Variants in BRINP1 observed in about 807,000 individuals in gnomAD.
BRINP1 encodes BMP/retinoic acid inducible neural specific 1.
BRINP1 carries 17 observed loss-of-function variants against 72.9 expected under a neutral mutation model. That is an observed-to-expected ratio of 0.23 (90% CI 0.16 to 0.35). The LOEUF is 0.35. BRINP1 is among the 10% of genes least tolerant of loss of function. BRINP1 has a pLI of 1.00. For missense variants in BRINP1, 850 were observed against 1,001.6 expected (o/e 0.85, Z 2.04); for synonymous variants, 418 against 378.5 (o/e 1.10, Z -1.21).
intron 7 of BRINP1, among the ~76,000 whole-genome samples, chr9:119,186,332 C>G (rs1469837917): frequency 6.6e-6 from 1 of 151,936 alleles, no homozygotes; most frequent in African/African-American, 2.4e-5. Flanking sequence ...AGGAGAGAAG[C>G]CACACCCAAG....
At chr9:119,360,063 G>T (rs149673474) in intron 1 of BRINP1, among the ~76,000 whole-genome samples, 1 of 152,096 alleles carries the variant, frequency 6.6e-6, no homozygotes, top group African/African-American at 2.4e-5. Flanking sequence ...CACTTGCAAG[G>T]CTTCACTGGA....
At chr9:119,267,867 G>C (rs1013954057) in intron 2 of BRINP1, among the ~76,000 whole-genome samples, 1 of 152,102 alleles carries the variant, frequency 6.6e-6, no homozygotes, top group African/African-American at 2.4e-5. Flanking sequence ...TCTAGAGACT[G>C]AAAAGAGAAG....
chr9:119,302,139 T>C (rs1028322243), intron 2 of BRINP1, among the ~76,000 whole-genome samples: 2 of 152,202 alleles, frequency 1.3e-5, no homozygotes, highest in Admixed American at 6.5e-5. Flanking sequence ...TTGATATTTA[T>C]TGGGCATCAC....
At chr9:119,263,172 C>T (rs1830514019) in intron 2 of BRINP1, among the ~76,000 whole-genome samples, 1 of 152,154 alleles carries the variant, frequency 6.6e-6, no homozygotes, top group African/African-American at 2.4e-5. Context: ...GGTCAGCCAC[C>T]CGCATCACAA....
chr9:119,240,749 T>A (rs571517590), intron 4 of BRINP1, among the ~76,000 whole-genome samples: 8 of 152,302 alleles, frequency 5.3e-5, no homozygotes, highest in African/African-American at 1.7e-4. Flanking sequence ...ACTCTCTCCC[T>A]CCCACACTTT....
At chr9:119,365,954 G>A (rs975264134) in intron 1 of BRINP1, among the ~76,000 whole-genome samples, 2 of 152,062 alleles carry the variant, frequency 1.3e-5, no homozygotes, top group Admixed American at 6.5e-5. Flanking sequence ...CCTGCACCCC[G>A]AAACAGGCAT....
intron 2 of BRINP1, among the ~76,000 whole-genome samples, chr9:119,283,597 C>T (rs1346796955): frequency 6.6e-6 from 1 of 152,176 alleles, no homozygotes; most frequent in Non-Finnish European, 1.5e-5. Context: ...GGCACGATCT[C>T]GGCTCACTGC....
intron 3 of BRINP1, among the ~76,000 whole-genome samples, chr9:119,245,194 T>TAC (rs34730284): frequency 0.01 from 1,309 of 126,018 alleles, 17 homozygotes; most frequent in African/African-American, 0.026. Context: ...CAAGCTCACA[T>TAC]ACACACACAC....
chr9:119,313,449 C>A, intron 1 of BRINP1, 44 bp from the exon 2 acceptor site: 54 of 1,455,600 alleles, frequency 3.7e-5, no homozygotes, highest in Middle Eastern at 2.6e-4. Context: ...AAAGAGAAAC[C>A]AAAAGAGAGA....
intron 7 of BRINP1, among the ~76,000 whole-genome samples, chr9:119,196,082 G>A (rs1316091165): frequency 6.6e-6 from 1 of 152,074 alleles, no homozygotes; most frequent in Non-Finnish European, 1.5e-5. Flanking sequence ...AAGTCCTATA[G>A]GATTCACTTA....
At chr9:119,242,979 CT>C (rs61706928) in intron 3 of BRINP1, among the ~76,000 whole-genome samples, 84,647 of 146,858 alleles carry the variant, frequency 0.58, 24,753 homozygotes, top group Middle Eastern at 0.74. Flanking sequence ...TTTCTTTTTT[CT>C]TTTTTTTTTT....
chr9:119,340,404 C>A (rs1831394493), intron 1 of BRINP1, among the ~76,000 whole-genome samples: 1 of 151,540 alleles, frequency 6.6e-6, no homozygotes, highest in South Asian at 2.1e-4. Flanking sequence ...CATATTCCAA[C>A]CTCTGAGGGA....
chr9:119,243,377 A>G (rs1449624751), intron 3 of BRINP1, among the ~76,000 whole-genome samples: 1 of 152,084 alleles, frequency 6.6e-6, no homozygotes, highest in Non-Finnish European at 1.5e-5. Flanking sequence ...TGCAAAGGAT[A>G]TGATCTCATT....
chr9:119,364,899 TG>T (rs1283052401), intron 1 of BRINP1, among the ~76,000 whole-genome samples: 4 of 152,236 alleles, frequency 2.6e-5, no homozygotes, highest in Non-Finnish European at 5.9e-5. Flanking sequence ...GTAACGGCAT[TG>T]CTTTAAATGA....
chr9:119,317,322 G>A (rs1831135150), intron 1 of BRINP1, among the ~76,000 whole-genome samples: 3 of 152,124 alleles, frequency 2.0e-5, no homozygotes, highest in African/African-American at 7.2e-5. Flanking sequence ...ATCATGAGGG[G>A]TTCAAGACTT....
chr9:119,222,775 A>G (rs1830052752), intron 5 of BRINP1, among the ~76,000 whole-genome samples: 1 of 152,142 alleles, frequency 6.6e-6, no homozygotes, highest in African/African-American at 2.4e-5. Context: ...TTTAACTTCA[A>G]AAAAAGATAA....
At chr9:119,176,427 C>T (rs569455664) in intron 7 of BRINP1, among the ~76,000 whole-genome samples, 2 of 152,238 alleles carry the variant, frequency 1.3e-5, no homozygotes, top group Admixed American at 1.3e-4. Context: ...CACTGATGAG[C>T]CACAATCCCC....
intron 2 of BRINP1, among the ~76,000 whole-genome samples, chr9:119,292,125 T>C (rs1830827701): frequency 6.6e-6 from 1 of 152,142 alleles, no homozygotes; most frequent in African/African-American, 2.4e-5. Flanking sequence ...AGCCCTAATA[T>C]CTATTTTAGA....
chr9:119,256,428 C>G (rs1434934451), intron 2 of BRINP1, among the ~76,000 whole-genome samples: 1 of 152,036 alleles, frequency 6.6e-6, no homozygotes, highest in Non-Finnish European at 1.5e-5. Flanking sequence ...CTGAAAGTAG[C>G]AAGGCTAAAT....
Sources: gnomAD v4.1 joint callset for allele counts (sites outside exome capture counted in the v4.1 genomes callset) on GRCh38, gnomAD v4.1.1 for gene constraint, MANE v1.5 for transcripts, NCBI Gene and HGNC (gene_info 2026-07-23, HGNC 2026-07-21) for gene names.